Variants in FHIT observed in about 807,000 individuals in gnomAD.
FHIT encodes the protein bis(5'-adenosyl)-triphosphatase.
In FHIT, 19 loss-of-function variants were observed where a neutral mutation model predicts 17.9. The observed-to-expected ratio is 1.06, with a 90% CI of 0.74 to 1.56. The LOEUF (loss-of-function observed/expected upper bound fraction) is 1.56, where lower values mean the gene tolerates loss of function less well. FHIT is among the 40% of genes most tolerant of loss of function. FHIT has a pLI of 0.00. For synonymous variants in FHIT, 81 were observed against 69.7 expected, an observed-to-expected ratio of 1.16 and a Z score of -0.81; for missense variants, 248 against 189.2, an observed-to-expected ratio of 1.31 and a Z score of -1.82.
At chr3:60,288,984 G>T (rs1043257434) in intron 5 of FHIT, among the ~76,000 whole-genome samples, 3 of 152,104 alleles carry the variant, frequency 2.0e-5, no homozygotes, top group South Asian at 2.1e-4. Context: ...ATTCACACTT[G>T]AAAGAAAGGC....
intron 5 of FHIT, among the ~76,000 whole-genome samples, chr3:60,363,458 A>T (rs1699984499): frequency 6.6e-6 from 1 of 152,192 alleles, no homozygotes. Context: ...TATGCCAGAC[A>T]CTGTATTAAT....
intron 1 of FHIT, among the ~76,000 whole-genome samples, chr3:61,219,653 T>C (rs1018537029): frequency 6.6e-6 from 1 of 152,156 alleles, no homozygotes; most frequent in Non-Finnish European, 1.5e-5. Flanking sequence ...CTGCAAGACA[T>C]AAATTAAATT....
chr3:60,169,265 A>G (rs1480499198), intron 5 of FHIT, among the ~76,000 whole-genome samples: 3 of 152,208 alleles, frequency 2.0e-5, no homozygotes, highest in East Asian at 3.9e-4. Flanking sequence ...AACAAAAGGA[A>G]TATCTGAAGG....
chr3:60,859,863 G>T (rs1341723009), intron 3 of FHIT, among the ~76,000 whole-genome samples: 10 of 144,958 alleles, frequency 6.9e-5, no homozygotes, highest in African/African-American at 2.6e-4. Flanking sequence ...GGCCAACATG[G>T]TGAAACCCTG....
intron 9 of FHIT, chr3:59,750,360 C>G (rs1361577699): frequency 4.4e-6 from 1 of 225,000 alleles, no homozygotes; most frequent in African/African-American, 2.2e-5. Flanking sequence ...CCTAGGCAGT[C>G]AAGTCTGAGG....
At chr3:60,332,889 C>A in intron 5 of FHIT, among the ~76,000 whole-genome samples, 1 of 152,168 alleles carries the variant, frequency 6.6e-6, no homozygotes, top group East Asian at 1.9e-4. Flanking sequence ...ATCTCAAAAC[C>A]TGCATTGGCC....
At chr3:60,237,324 C>A (rs1291685476) in intron 5 of FHIT, among the ~76,000 whole-genome samples, 1 of 142,382 alleles carries the variant, frequency 7.0e-6, no homozygotes, top group Non-Finnish European at 1.5e-5. Flanking sequence ...TGACCTAAAC[C>A]AGTTGAGAAA....
In FHIT at chr3:60,392,764, T is replaced by C. The variant is rs146407520; in HGVS notation, c.103+144096A>G. 9.3e-4 allele frequency among the ~76,000 whole-genome samples: 142 copies of C among 152,242 alleles called. 1 individual carries two copies. The highest frequency in any genetic ancestry group is 3.1e-3 in the African/African-American group (130 of 41,556). ...TGAAGATAAAGCATAATTATAGCAGTGGCTACCAAGAGGTGGAAATGGGTG... is the reference window on the plus strand; with the variant it reads ...TGAAGATAAAGCATAATTATAGCAGCGGCTACCAAGAGGTGGAAATGGGTG... On this transcript the variant is annotated intron_variant, in intron 5 of 9. Transcript: ENST00000492590.
intron 8 of FHIT, among the ~76,000 whole-genome samples, chr3:59,878,748 G>A (rs1703272264): frequency 6.6e-6 from 1 of 152,174 alleles, no homozygotes; most frequent in African/African-American, 2.4e-5. Flanking sequence ...TTATTGACGA[G>A]CGTTTAGAGA....
intron 4 of FHIT, among the ~76,000 whole-genome samples, chr3:60,820,502 C>T (rs1553738985): frequency 6.6e-6 from 1 of 152,228 alleles, no homozygotes; most frequent in East Asian, 1.9e-4. Context: ...AGAGAAAAAT[C>T]TGGCACATTA....
At chr3:60,533,778 G>T (rs1230906812) in intron 5 of FHIT, among the ~76,000 whole-genome samples, 1 of 152,122 alleles carries the variant, frequency 6.6e-6, no homozygotes, top group African/African-American at 2.4e-5. Flanking sequence ...TACAATGAAG[G>T]TCCTTAAAAA....
intron 3 of FHIT, among the ~76,000 whole-genome samples, chr3:60,868,477 C>T (rs1704259423): frequency 1.3e-5 from 2 of 152,066 alleles, no homozygotes; most frequent in Non-Finnish European, 1.5e-5. Context: ...GTTGTTTGTG[C>T]CTTATTAAAT....
At chr3:60,208,543 A>G (rs558234640) in intron 5 of FHIT, among the ~76,000 whole-genome samples, 4 of 152,218 alleles carry the variant, frequency 2.6e-5, no homozygotes, top group Non-Finnish European at 5.9e-5. Flanking sequence ...ATTTACACTT[A>G]GCATTTAGCC....
At chr3:60,356,353 C>A (rs1288558791) in intron 5 of FHIT, among the ~76,000 whole-genome samples, 1 of 152,114 alleles carries the variant, frequency 6.6e-6, no homozygotes, top group Non-Finnish European at 1.5e-5. Flanking sequence ...CACAACAAAA[C>A]CAACAATGAG....
intron 4 of FHIT, among the ~76,000 whole-genome samples, chr3:60,751,552 T>A (rs1433039577): frequency 6.6e-6 from 1 of 152,194 alleles, no homozygotes. Context: ...TCACTATGAA[T>A]CAAAGAAATT....
intron 1 of FHIT, among the ~76,000 whole-genome samples, chr3:61,215,781 T>A (rs955389377): frequency 3.3e-5 from 5 of 152,206 alleles, no homozygotes; most frequent in Non-Finnish European, 7.4e-5. Context: ...AGCATGGTAC[T>A]GGTAGCAAAA....
At chr3:59,761,519 C>CAAGA (rs1701511060) in intron 8 of FHIT, among the ~76,000 whole-genome samples, 1 of 152,018 alleles carries the variant, frequency 6.6e-6, no homozygotes, top group Admixed American at 6.6e-5. Flanking sequence ...GATTAACAAC[C>CAAGA]AAGAATAAAA....
chr3:60,617,718 G>A (rs62249121), intron 4 of FHIT: 18,935 of 154,220 alleles, frequency 0.12, 1,489 homozygotes, highest in East Asian at 0.23. Context: ...AGGTACAAAA[G>A]CTTGCCTTAA....
At chr3:60,601,256 T>G (rs1249998714) in intron 4 of FHIT, among the ~76,000 whole-genome samples, 1 of 152,094 alleles carries the variant, frequency 6.6e-6, no homozygotes, top group Non-Finnish European at 1.5e-5. Context: ...CCCTCCACAT[T>G]TCCTACCGCA....
Sources: allele counts gnomAD v4.1 joint callset (sites outside exome capture counted in the v4.1 genomes callset), GRCh38; gene constraint gnomAD v4.1.1; transcripts MANE v1.5; gene names NCBI Gene and HGNC (gene_info 2026-07-23, HGNC 2026-07-21).